Variants in PRKG2 observed in about 807,000 individuals in gnomAD.
PRKG2 encodes protein kinase cGMP-dependent 2.
A neutral mutation model predicts 97.2 loss-of-function variants in PRKG2; 33 were observed. The observed-to-expected ratio is 0.34, with a 90% CI of 0.26 to 0.45. The LOEUF is 0.45. Among genes scored for constraint, PRKG2 ranks in the 20% least tolerant of loss-of-function variants. The pLI, the probability that PRKG2 is intolerant of heterozygous loss-of-function variation, is 1.00. For missense variants in PRKG2, 638 were observed against 900.0 expected (o/e 0.71, Z 3.73); for synonymous variants, 330 against 321.8 (o/e 1.03, Z -0.27).
intron 6 of PRKG2, among the ~76,000 whole-genome samples, chr4:81,158,983 G>C (rs939678714): frequency 6.6e-6 from 1 of 151,048 alleles, no homozygotes; most frequent in Non-Finnish European, 1.5e-5. Flanking sequence ...AGACTTAAAC[G>C]TTAGACCTAA....
chr4:81,214,910 C>G (rs997260633), intron 1 of PRKG2, 26 bp downstream of exon 1: 1 of 152,334 alleles, frequency 6.6e-6, no homozygotes, highest in African/African-American at 2.4e-5. Flanking sequence ...CCCCGGCGCC[C>G]AAGACCCCCG....
chr4:81,148,607 T>A (rs1286717758), intron 9 of PRKG2, among the ~76,000 whole-genome samples: 1 of 152,168 alleles, frequency 6.6e-6, no homozygotes, highest in African/African-American at 2.4e-5. Context: ...CTTACTTCCC[T>A]AGAAGATGCA....
At chr4:81,090,493 G>T (rs1423813039) in intron 18 of PRKG2, among the ~76,000 whole-genome samples, 1 of 151,892 alleles carries the variant, frequency 6.6e-6, no homozygotes, top group African/African-American at 2.4e-5. Flanking sequence ...ATGGTTAATT[G>T]ATCCATATAA....
chr4:81,104,609 A>G (rs1450311088), intron 16 of PRKG2, among the ~76,000 whole-genome samples, 177 bp from the exon 17 acceptor site: 1 of 152,016 alleles, frequency 6.6e-6, no homozygotes, highest in Non-Finnish European at 1.5e-5. Flanking sequence ...AGGGAGGTGA[A>G]AAGACACGAC....
intron 14 of PRKG2, among the ~76,000 whole-genome samples, chr4:81,130,733 G>C (rs901251852): frequency 6.6e-6 from 1 of 152,148 alleles, no homozygotes; most frequent in Admixed American, 6.5e-5. Context: ...CGGTGGTTTT[G>C]CTGAGCTGCA....
intron 2 of PRKG2, among the ~76,000 whole-genome samples, chr4:81,185,328 T>A (rs1056081129): frequency 6.6e-6 from 1 of 152,058 alleles, no homozygotes; most frequent in Non-Finnish European, 1.5e-5. Context: ...ATATTCAACA[T>A]TCTTAAAGAA....
chr4:81,132,998 C>G (rs1238790399), intron 14 of PRKG2, among the ~76,000 whole-genome samples: 1 of 152,010 alleles, frequency 6.6e-6, no homozygotes, highest in African/African-American at 2.4e-5. Context: ...TTTTTTAATG[C>G]TGGCTTATGT....
At chr4:81,103,197 A>G (rs1185134253) in intron 17 of PRKG2, among the ~76,000 whole-genome samples, 1 of 152,178 alleles carries the variant, frequency 6.6e-6, no homozygotes, top group African/African-American at 2.4e-5. Flanking sequence ...TCTAGGGTAC[A>G]TGTGCACAAC....
chr4:81,208,807 C>G (rs1753815660), intron 1 of PRKG2, among the ~76,000 whole-genome samples: 1 of 152,086 alleles, frequency 6.6e-6, no homozygotes, highest in African/African-American at 2.4e-5. Flanking sequence ...TGGAAACAAA[C>G]AGCCTGGAAA....
chr4:81,176,200 A>C (rs1243378325), intron 2 of PRKG2, among the ~76,000 whole-genome samples: 1 of 152,140 alleles, frequency 6.6e-6, no homozygotes, highest in Non-Finnish European at 1.5e-5. Context: ...GTTCCATCTA[A>C]TCTATTACTA....
At position 81,144,344 on chromosome 4, in the gene PRKG2, AT is replaced by A; in HGVS notation, c.1155-15del. ...TGGTTGAATGTTCTAAATAGATAGA[AT>A]AAAGTAAAATGCTCCGTGCTGATAG... On this transcript the variant is annotated splice_polypyrimidine_tract_variant and intron_variant, in intron 9 of 18. Coordinates refer to ENST00000264399, the MANE Select transcript of PRKG2 (RefSeq NM_006259.3). The A allele has an allele frequency of 6.3e-7, 1 of 1,578,086 alleles. No individual in the cohort carries two copies.
intron 9 of PRKG2, among the ~76,000 whole-genome samples, chr4:81,145,040 C>T (rs1319671180): frequency 6.6e-6 from 1 of 152,020 alleles, no homozygotes; most frequent in East Asian, 1.9e-4. Context: ...CAAGTCTTTG[C>T]TATTGTGAGT....
intron 11 of PRKG2, among the ~76,000 whole-genome samples, chr4:81,142,059 G>T (rs961110085): frequency 1.1e-4 from 17 of 152,142 alleles, no homozygotes; most frequent in Admixed American, 3.3e-4. Context: ...AATTGCCAAG[G>T]CCTCAGAGCC....
intron 2 of PRKG2, among the ~76,000 whole-genome samples, chr4:81,176,850 A>AT (rs1305402217): frequency 7.9e-5 from 12 of 152,020 alleles, no homozygotes; most frequent in Non-Finnish European, 1.5e-4. Context: ...AACATCCAAC[A>AT]TTCCATGGAA....
At chr4:81,152,729 A>T (rs1748539892) in intron 7 of PRKG2, among the ~76,000 whole-genome samples, 1 of 152,226 alleles carries the variant, frequency 6.6e-6, no homozygotes, top group Admixed American at 6.5e-5. Flanking sequence ...AATGAATTAA[A>T]ATTTTAAAAA....
chr4:81,208,431 T>G (rs1213181851), intron 1 of PRKG2, among the ~76,000 whole-genome samples: 1 of 152,158 alleles, frequency 6.6e-6, no homozygotes, highest in African/African-American at 2.4e-5. Flanking sequence ...TGTGGGTTTT[T>G]GTTTGTTTGT....
Position 81,148,245 on chromosome 4 carries a change from G to C in PRKG2, c.1154+639C>G, listed in dbSNP as rs141371404. ...CTTTTCTGACAATGGCCTGCCTTTG[G>C]TATCACTGAATTTCCTTCATTTTGT... On this transcript the variant is annotated intron_variant, in intron 9 of 18. Coordinates refer to ENST00000264399, the MANE Select transcript of PRKG2 (RefSeq NM_006259.3). Among the ~76,000 whole-genome samples, 22 of 152,028 alleles carry C rather than the reference G, an allele frequency of 1.4e-4. No individual in the cohort carries two copies. The South Asian group carries it at 4.4e-3, about 30-fold the overall frequency.
chr4:81,122,507 T>G (rs951663136), intron 14 of PRKG2, among the ~76,000 whole-genome samples: 6 of 152,118 alleles, frequency 3.9e-5, no homozygotes, highest in African/African-American at 1.4e-4. Flanking sequence ...GAGGTCTTAA[T>G]CCCTCACCAC....
intron 2 of PRKG2, among the ~76,000 whole-genome samples, chr4:81,195,775 G>A (rs939181455): frequency 1.3e-5 from 2 of 152,120 alleles, no homozygotes; most frequent in Non-Finnish European, 2.9e-5. Flanking sequence ...ATCTGTTGAC[G>A]GACACGGGGT....
Sources: gnomAD v4.1 joint callset for allele counts (sites outside exome capture counted in the v4.1 genomes callset) on GRCh38, gnomAD v4.1.1 for gene constraint, MANE v1.5 for transcripts, NCBI Gene and HGNC (gene_info 2026-07-23, HGNC 2026-07-21) for gene names.